The following ACOXL variants were observed in gnomAD, a reference collection of about 807,000 sequenced individuals.
ACOXL encodes acyl-coenzyme A oxidase-like protein.
A neutral mutation model predicts 71.9 loss-of-function variants in ACOXL; 70 were observed. The ratio of observed to expected loss-of-function variants is 0.97; its 90% CI spans 0.80 to 1.19. The LOEUF is 1.19. Ranked by LOEUF, ACOXL falls within the 50% of genes most tolerant of loss-of-function variation. The pLI is 0.00. For missense variants in ACOXL, 703 were observed against 736.3 expected, an observed-to-expected ratio of 0.95 and a Z score of 0.52; for synonymous variants, 253 against 281.6, an observed-to-expected ratio of 0.90 and a Z score of 1.02.
chr2:110,921,802 G>A (rs1041930305), intron 11 of ACOXL, among the ~76,000 whole-genome samples: 1 of 152,116 alleles, frequency 6.6e-6, no homozygotes. Flanking sequence ...TGCTTTAGCT[G>A]CATCTTTCTC....
intron 10 of ACOXL, among the ~76,000 whole-genome samples, chr2:110,898,627 A>G (rs1208449665): frequency 2.0e-5 from 3 of 152,236 alleles, no homozygotes; most frequent in African/African-American, 2.4e-5. Context: ...TTGTACAGCC[A>G]ACATTACACG....
intron 11 of ACOXL, among the ~76,000 whole-genome samples, chr2:110,926,970 A>G (rs1574151953): frequency 1.3e-5 from 2 of 152,076 alleles, no homozygotes; most frequent in African/African-American, 2.4e-5. Context: ...TTGTTCTTTC[A>G]CTGCCACAAA....
At chr2:110,998,353 G>A (rs76463782) in intron 14 of ACOXL, among the ~76,000 whole-genome samples, 8 of 152,294 alleles carry the variant, frequency 5.3e-5, no homozygotes, top group African/African-American at 1.7e-4. Context: ...AAGCAGTGAA[G>A]ATAAACAAGT....
At chr2:111,017,487 T>C (rs2064513922) in intron 14 of ACOXL, among the ~76,000 whole-genome samples, 1 of 152,212 alleles carries the variant, frequency 6.6e-6, no homozygotes, top group African/African-American at 2.4e-5. Context: ...TTTCTGCCAC[T>C]AGAGGCCAAG....
intron 5 of ACOXL, chr2:110,796,021 G>C (rs1159841427): frequency 6.6e-6 from 1 of 151,958 alleles, no homozygotes; most frequent in Non-Finnish European, 1.5e-5. Flanking sequence ...GGGGCTGGGA[G>C]AGAGAACAAT....
chr2:110,916,905 G>A (rs138101410), intron 11 of ACOXL, among the ~76,000 whole-genome samples: 1,971 of 152,236 alleles, frequency 0.013, 48 homozygotes, highest in African/African-American at 0.046. Flanking sequence ...CTGAAATTGA[G>A]GCAGTAATTA....
intron 17 of ACOXL, chr2:111,098,626 A>G (rs1345033234): frequency 6.6e-6 from 1 of 152,218 alleles, no homozygotes; most frequent in Non-Finnish European, 1.5e-5. Context: ...GTCTATAGTT[A>G]TTAGTAATGC....
chr2:110,856,511 C>T lies in ACOXL; in HGVS notation c.788+15106C>T, dbSNP rs183012258. 8.5e-5 allele frequency among the ~76,000 whole-genome samples: 13 copies of T among 152,256 alleles called. No homozygotes were observed. In the East Asian group the frequency reaches 9.6e-4, roughly 11 times the overall value. Reference sequence around the variant, plus strand: ...CTTTAGGTAAAAAAGTGAAAGTTCTCGACTTCATAAGAAAAGAAAAGCAAT... The same window carrying T: ...CTTTAGGTAAAAAAGTGAAAGTTCTTGACTTCATAAGAAAAGAAAAGCAAT... On this transcript the variant is annotated intron_variant, in intron 10 of 17. Coordinates refer to ENST00000439055, the MANE Select transcript of ACOXL (RefSeq NM_001142807.4).
intron 10 of ACOXL, among the ~76,000 whole-genome samples, chr2:110,890,920 A>C (rs1199241619): frequency 6.6e-6 from 1 of 152,116 alleles, no homozygotes; most frequent in African/African-American, 2.4e-5. Flanking sequence ...CATTTTCATA[A>C]AATGTCTTTC....
At chr2:111,064,514 C>T (rs1198525112) in intron 16 of ACOXL, among the ~76,000 whole-genome samples, 2 of 151,454 alleles carry the variant, frequency 1.3e-5, no homozygotes, top group Non-Finnish European at 2.9e-5. Flanking sequence ...CTTTGTCATC[C>T]CTAAATTACT....
At chr2:110,904,213 G>A (rs2059354752) in intron 10 of ACOXL, among the ~76,000 whole-genome samples, 1 of 152,190 alleles carries the variant, frequency 6.6e-6, no homozygotes, top group Non-Finnish European at 1.5e-5. Context: ...CCCCTGGCAG[G>A]AAAGCCTGTG....
At chr2:110,964,372 T>C (rs1050594304) in intron 12 of ACOXL, among the ~76,000 whole-genome samples, 12 of 152,238 alleles carry the variant, frequency 7.9e-5, no homozygotes, top group African/African-American at 2.7e-4. Flanking sequence ...TGGGGAATTA[T>C]ATGGCTTTTA....
intron 16 of ACOXL, among the ~76,000 whole-genome samples, chr2:111,069,126 G>T (rs1405747320): frequency 6.7e-6 from 1 of 149,740 alleles, no homozygotes; most frequent in Non-Finnish European, 1.5e-5. Flanking sequence ...CGTCCTTGAT[G>T]TGTCTCCCTC....
At chr2:111,072,064 G>A (rs1574671152) in intron 16 of ACOXL, among the ~76,000 whole-genome samples, 1 of 152,302 alleles carries the variant, frequency 6.6e-6, no homozygotes, top group African/African-American at 2.4e-5. Context: ...GAGATCCTTG[G>A]ACAAGGTTTC....
chr2:111,055,318 A>G (rs2066481783), intron 16 of ACOXL, among the ~76,000 whole-genome samples: 1 of 152,206 alleles, frequency 6.6e-6, no homozygotes, highest in Admixed American at 6.5e-5. Flanking sequence ...GAGCCTGTCA[A>G]GTGGGTGAGG....
intron 11 of ACOXL, among the ~76,000 whole-genome samples, chr2:110,918,266 T>A (rs563717363): frequency 4.6e-5 from 7 of 152,156 alleles, no homozygotes; most frequent in East Asian, 1.9e-4. Context: ...ACATCTACAG[T>A]CATCTGATCT....
chr2:111,090,027 G>A (rs2068436254), intron 16 of ACOXL, among the ~76,000 whole-genome samples: 1 of 152,196 alleles, frequency 6.6e-6, no homozygotes, highest in Admixed American at 6.5e-5. Context: ...AGACTAAGTG[G>A]AGATGTGAAA....
intron 13 of ACOXL, among the ~76,000 whole-genome samples, chr2:110,994,161 A>G (rs550771080): frequency 1.2e-4 from 18 of 152,340 alleles, no homozygotes; most frequent in African/African-American, 4.1e-4. Context: ...AATTTCCAAT[A>G]TCAGCCCCTG....
chr2:110,980,093 G>T (rs1285597598), intron 12 of ACOXL, among the ~76,000 whole-genome samples: 1 of 152,190 alleles, frequency 6.6e-6, no homozygotes, highest in Non-Finnish European at 1.5e-5. Flanking sequence ...GATAGCCCAG[G>T]CTCTGTTTCA....
Sources: allele counts gnomAD v4.1 joint callset (sites outside exome capture counted in the v4.1 genomes callset), GRCh38; gene constraint gnomAD v4.1.1; transcripts MANE v1.5; gene names NCBI Gene and HGNC (gene_info 2026-07-23, HGNC 2026-07-21).